Variants in KIF26B observed in about 807,000 individuals in gnomAD.
KIF26B encodes kinesin family member 26B, also known as kinesin-like protein KIF26B.
A neutral mutation model predicts 151.2 loss-of-function variants in KIF26B; 63 were observed. The observed-to-expected ratio is 0.42, with a 90% CI of 0.34 to 0.51. The LOEUF is 0.51. Ranked by LOEUF, KIF26B falls within the 20% of genes least tolerant of loss-of-function variation. The pLI, the probability that KIF26B is intolerant of heterozygous loss-of-function variation, is 0.07. For missense variants in KIF26B, 2,813 were observed against 2,913.6 expected, an observed-to-expected ratio of 0.97 and a Z score of 0.79; for synonymous variants, 1,357 against 1,262.1, an observed-to-expected ratio of 1.08 and a Z score of -1.59.
chr1:245,535,821 T>C (rs1463694155), intron 4 of KIF26B, among the ~76,000 whole-genome samples: 1 of 152,244 alleles, frequency 6.6e-6, no homozygotes, highest in Non-Finnish European at 1.5e-5. Context: ...TATTATTTAT[T>C]ATATTCTTTC....
chr1:245,450,366 G>A (rs1659360502), intron 4 of KIF26B, among the ~76,000 whole-genome samples: 1 of 152,166 alleles, frequency 6.6e-6, no homozygotes, highest in Non-Finnish European at 1.5e-5. Context: ...TTTCGCTGTT[G>A]CCTCAGGTGT....
At chr1:245,274,273 C>T (rs1315631345) in intron 2 of KIF26B, among the ~76,000 whole-genome samples, 1 of 151,822 alleles carries the variant, frequency 6.6e-6, no homozygotes, top group Non-Finnish European at 1.5e-5. Flanking sequence ...TGTGCAGAAC[C>T]TGCAGGTTTG....
At chr1:245,647,626 T>TA (rs1470131022) in intron 10 of KIF26B, among the ~76,000 whole-genome samples, 1 of 152,018 alleles carries the variant, frequency 6.6e-6, no homozygotes, top group African/African-American at 2.4e-5. Context: ...GTTTTATCTG[T>TA]AAAAACCCTA....
chr1:245,547,000 C>A (rs1450134166), intron 5 of KIF26B, among the ~76,000 whole-genome samples: 1 of 152,230 alleles, frequency 6.6e-6, no homozygotes, highest in Non-Finnish European at 1.5e-5. Flanking sequence ...TTAATCTTCG[C>A]GGTTTCTTTT....
At position 245,284,028 on chromosome 1, in the gene KIF26B, C is replaced by T. The variant is rs138832664; in HGVS notation, c.466-82806C>T. Among the ~76,000 whole-genome samples the T allele has an allele frequency of 6.0e-4, 91 of 152,306 alleles. 2 individuals are homozygous for T. The East Asian group carries it at 0.015, about 26-fold the overall frequency. ...GCACTTTTGAAGTCCCTACGCAATG[C>T]GGCTTCCCTCATCCCTCCTTTCCCT... is the stretch of plus-strand genomic sequence containing the variant. On this transcript the variant is annotated intron_variant, in intron 2 of 14. Coordinates refer to ENST00000407071, the MANE Select transcript of KIF26B (RefSeq NM_018012.4).
chr1:245,605,168 A>AG (rs79568554), intron 6 of KIF26B, among the ~76,000 whole-genome samples: 13,426 of 152,244 alleles, frequency 0.088, 708 homozygotes, highest in Middle Eastern at 0.13. Context: ...GTTCCTCATC[A>AG]GGCCGTGTGA....
chr1:245,480,644 C>T (rs1660145506), intron 4 of KIF26B, among the ~76,000 whole-genome samples: 1 of 151,638 alleles, frequency 6.6e-6, no homozygotes, highest in African/African-American at 2.4e-5. Flanking sequence ...AGAGTTTGTA[C>T]TCTTTCCTTT....
chr1:245,705,648 C>A lies in KIF26B; in HGVS notation c.*3042C>A, dbSNP rs2044831161. 6.6e-6 allele frequency: 1 copy of A among 152,220 alleles called. No individual in the cohort carries two copies. The highest frequency in any genetic ancestry group is 1.5e-5 in the Non-Finnish European group (1 of 68,048). The allele number at this position is 152,220 out of a possible 1,614,324, so 9.4% of individuals were successfully genotyped here. On this transcript the variant is annotated 3_prime_UTR_variant, in exon 15 of 15. Coordinates refer to ENST00000407071, the MANE Select transcript of KIF26B (RefSeq NM_018012.4). ...CATAGGTCTAACTCCTTGTGTGAAC[C>A]TGTCCTCCTCACCCCCTGCTCCAAA...
intron 2 of KIF26B, among the ~76,000 whole-genome samples, chr1:245,175,960 CTA>C (rs922911492): frequency 2.5e-5 from 3 of 119,622 alleles, no homozygotes; most frequent in African/African-American, 1.1e-4. Flanking sequence ...ATATCTATAT[CTA>C]TATATATAGA....
chr1:245,590,920 A>G (rs1462535597), intron 5 of KIF26B, among the ~76,000 whole-genome samples: 1 of 151,848 alleles, frequency 6.6e-6, no homozygotes, highest in African/African-American at 2.4e-5. Flanking sequence ...AAAAGAAAAA[A>G]AAAAAAAAAA....
chr1:245,618,231 A>C (rs188724115), intron 9 of KIF26B, among the ~76,000 whole-genome samples: 71 of 152,036 alleles, frequency 4.7e-4, no homozygotes, highest in African/African-American at 1.7e-3. Context: ...CTTTTGCCTT[A>C]CTCCGCCTTA....
At chr1:245,478,950 C>T (rs1660103775) in intron 4 of KIF26B, among the ~76,000 whole-genome samples, 1 of 151,774 alleles carries the variant, frequency 6.6e-6, no homozygotes, top group Admixed American at 6.6e-5. Flanking sequence ...TGAGAATCAG[C>T]CCGAGGATTT....
intron 2 of KIF26B, among the ~76,000 whole-genome samples, chr1:245,312,708 T>C (rs113989365): frequency 3.3e-5 from 5 of 152,310 alleles, no homozygotes; most frequent in Non-Finnish European, 5.9e-5. Context: ...CCCAAGTTCA[T>C]GTGCTGGTGG....
chr1:245,188,930 T>C (rs1461041620), intron 2 of KIF26B, among the ~76,000 whole-genome samples: 2 of 152,200 alleles, frequency 1.3e-5, no homozygotes, highest in Non-Finnish European at 2.9e-5. Flanking sequence ...GGAGACATGA[T>C]GCCAAGTGAA....
chr1:245,412,654 C>T (rs1448998642), intron 3 of KIF26B, among the ~76,000 whole-genome samples: 3 of 152,162 alleles, frequency 2.0e-5, no homozygotes, highest in African/African-American at 7.2e-5. Context: ...AGATGGTAAC[C>T]ACATTTGGGA....
rs373255475 is a variant in KIF26B, at chr1:245,359,606, A to G, written c.466-7228A>G. Among the ~76,000 whole-genome samples, 156 of 151,624 alleles carry G rather than the reference A, an allele frequency of 1.0e-3. 1 individual carries two copies. Among genetic ancestry groups the G allele is most frequent in the African/African-American group, 3.5e-3 (146 of 41,246 alleles). On this transcript the variant is annotated intron_variant, in intron 2 of 14. Transcript: ENST00000407071. ...CATGCTCAGAGATGTCAGCTCAGGA[A>G]CTCCAGGAACCCAGTATTATTTTGA...
At position 245,602,516 on chromosome 1, in the gene KIF26B, T is replaced by C; in HGVS notation, c.1351-61T>C. On this transcript the variant is annotated intron_variant, in intron 5 of 14. Transcript: ENST00000407071. The surrounding 1 kb of genome is among the most constrained non-coding windows in gnomAD (Gnocchi z 4.5). ...ATGTATATCGCAGAGTATACAAGGG[T>C]GCTCCATCGTAAAACACCCAGCTGT... The C allele has an allele frequency of 7.6e-7, 1 of 1,319,828 alleles. No homozygotes were observed. Among genetic ancestry groups the C allele is most frequent in the Non-Finnish European group, 1.1e-6 (1 of 935,216 alleles). The allele number at this position is 1,319,828 out of a possible 1,614,324, so 81.8% of individuals were successfully genotyped here.
At chr1:245,294,563 G>C (rs1014247608) in intron 2 of KIF26B, among the ~76,000 whole-genome samples, 1 of 152,132 alleles carries the variant, frequency 6.6e-6, no homozygotes, top group Admixed American at 6.5e-5. Context: ...TTATCTAAAT[G>C]GTTGAATTTC....
At chr1:245,331,416 C>T (rs1471643218) in intron 2 of KIF26B, among the ~76,000 whole-genome samples, 3 of 152,164 alleles carry the variant, frequency 2.0e-5, no homozygotes, top group African/African-American at 4.8e-5. Flanking sequence ...AGCCCGCAGT[C>T]GTCCAAGACT....
Sources: gnomAD v4.1 joint callset for allele counts (sites outside exome capture counted in the v4.1 genomes callset) on GRCh38, gnomAD v4.1.1 for gene constraint, Gnocchi (gnomAD v3.1) non-coding constraint, MANE v1.5 for transcripts, NCBI Gene and HGNC (gene_info 2026-07-23, HGNC 2026-07-21) for gene names.